The following VSTM4 variants were observed in gnomAD, a reference collection of about 807,000 sequenced individuals.
VSTM4 encodes the protein V-set and transmembrane domain-containing protein 4.
A neutral mutation model predicts 36.4 loss-of-function variants in VSTM4; 20 were observed. That is an observed-to-expected ratio of 0.55 (90% CI 0.39 to 0.80). The LOEUF (loss-of-function observed/expected upper bound fraction) is 0.80. Among genes scored for constraint, VSTM4 ranks in the 30% least tolerant of loss-of-function variants. The pLI is 0.00. For synonymous variants in VSTM4, 182 were observed against 173.9 expected (o/e 1.05, Z -0.37); for missense variants, 392 against 404.5 (o/e 0.97, Z 0.26).
intron 5 of VSTM4, among the ~76,000 whole-genome samples, chr10:49,058,809 G>A (rs1333332791): frequency 6.6e-6 from 1 of 152,182 alleles, no homozygotes; most frequent in African/African-American, 2.4e-5. Flanking sequence ...TCCCCTGCCT[G>A]AGGGTTTCCA....
chr10:49,020,337 A>G (rs145774958), intron 7 of VSTM4, among the ~76,000 whole-genome samples: 1 of 152,298 alleles, frequency 6.6e-6, no homozygotes, highest in Non-Finnish European at 1.5e-5. Context: ...AATAGCATGA[A>G]TTAAGTAAAT....
At chr10:49,110,531 T>C (rs1394822437) in intron 1 of VSTM4, among the ~76,000 whole-genome samples, 1 of 152,200 alleles carries the variant, frequency 6.6e-6, no homozygotes. Context: ...TTGTTATGGG[T>C]TGAATTGTGT....
chr10:49,058,892 A>G (rs142304431), intron 5 of VSTM4, among the ~76,000 whole-genome samples: 54 of 152,280 alleles, frequency 3.5e-4, no homozygotes, highest in Non-Finnish European at 7.5e-4. Flanking sequence ...GAAGCCAGAG[A>G]AGGGCATTCT....
intron 5 of VSTM4, among the ~76,000 whole-genome samples, chr10:49,062,001 T>G (rs528868009): frequency 2.0e-5 from 3 of 152,366 alleles, no homozygotes; most frequent in Admixed American, 1.3e-4. Flanking sequence ...ATAGGAATTC[T>G]GAGTGTATTG....
At position 49,103,499 on chromosome 10, in the gene VSTM4, AACTATATTAC is replaced by A. The variant is rs1477859003; in HGVS notation, c.457+4085_457+4094del. Reference sequence around the variant, plus strand: ...TATTTTTCCATGTTTTCTATAATTGAACTATATTACACTATATTACTTTTGCAATAGAAAA... The same window carrying A: ...TATTTTTCCATGTTTTCTATAATTGAACTATATTACTTTTGCAATAGAAAA... On this transcript the variant is annotated intron_variant, in intron 2 of 7. Coordinates refer to ENST00000332853, the MANE Select transcript of VSTM4 (RefSeq NM_001031746.5). 8 of 1,139,062 alleles carry A rather than the reference AACTATATTAC, an allele frequency of 7.0e-6. No individual in the cohort carries two copies. The African/African-American group carries it at 1.3e-4, about 18-fold the overall frequency. The allele number at this position is 1,139,062 out of a possible 1,614,324, so 70.6% of individuals were successfully genotyped here.
intron 2 of VSTM4, among the ~76,000 whole-genome samples, chr10:49,098,601 A>C (rs778978350): frequency 1.3e-5 from 2 of 152,238 alleles, no homozygotes; most frequent in African/African-American, 2.4e-5. Context: ...GTAAGCTTCC[A>C]GGCCTAATGC....
At chr10:49,072,917 G>A (rs1187465445) in intron 4 of VSTM4, among the ~76,000 whole-genome samples, 1 of 152,170 alleles carries the variant, frequency 6.6e-6, no homozygotes, top group Non-Finnish European at 1.5e-5. Flanking sequence ...ACAAATAAAT[G>A]TTGTGTTAAG....
chr10:49,073,137 A>T (rs994734610), intron 4 of VSTM4, among the ~76,000 whole-genome samples: 31 of 152,332 alleles, frequency 2.0e-4, no homozygotes, highest in African/African-American at 6.5e-4. Context: ...AGAGAAAAAA[A>T]GTTAGGAACA....
chr10:49,036,326 G>A (rs78810768), intron 7 of VSTM4, among the ~76,000 whole-genome samples: 2,544 of 152,296 alleles, frequency 0.017, 56 homozygotes, highest in African/African-American at 0.057. Flanking sequence ...TGCAAAAATG[G>A]TACTAGCGTG....
chr10:49,097,934 T>C lies in VSTM4; in HGVS notation c.457+9660A>G, dbSNP rs561486757. The stretch of plus-strand genomic sequence containing the variant: ...GCGTGTGTTCTTGTTTTTGTTTTTT[T>C]CTCTGGCCTAAGGGCATCAAGAACC... On this transcript the variant is annotated intron_variant, in intron 2 of 7. Coordinates refer to ENST00000332853, the MANE Select transcript of VSTM4 (RefSeq NM_001031746.5). Among the ~76,000 whole-genome samples the C allele has an allele frequency of 1.8e-3, 278 of 152,344 alleles. 1 individual carries two copies. The highest frequency in any genetic ancestry group is 6.4e-3 in the African/African-American group (266 of 41,574).
chr10:49,017,068 T>G lies in VSTM4; in HGVS notation c.*2582A>C, dbSNP rs975470824. On this transcript the variant is annotated 3_prime_UTR_variant, in exon 8 of 8. Coordinates refer to ENST00000332853, the MANE Select transcript of VSTM4 (RefSeq NM_001031746.5). ...TGTAGTTTCTGCCATTGATGCCTTA[T>G]AGTGAAAACAAATTGACAAACTTTC... is the stretch of plus-strand genomic sequence containing the variant. The G allele has an allele frequency of 2.0e-5, 3 of 152,232 alleles. No individual in the cohort carries two copies. Among genetic ancestry groups the G allele is most frequent in the African/African-American group, 7.2e-5 (3 of 41,434 alleles). The allele number at this position is 152,232 out of a possible 1,614,324, so 9.4% of individuals were successfully genotyped here.
In VSTM4 at chr10:49,057,595, A is replaced by G. The variant is rs565993742; in HGVS notation, c.668+7108T>C. Reference sequence around the variant, plus strand: ...ATGCCAGGAACCACCCCCATCTCACAGGCCTGCCCTCCCCACTCCCACCCC... The same window carrying G: ...ATGCCAGGAACCACCCCCATCTCACGGGCCTGCCCTCCCCACTCCCACCCC... On this transcript the variant is annotated intron_variant, in intron 5 of 7. Transcript: ENST00000332853. Among the ~76,000 whole-genome samples the G allele has an allele frequency of 2.0e-5, 3 of 152,272 alleles. No individual in the cohort carries two copies. The South Asian group carries it at 6.2e-4, about 32-fold the overall frequency.
intron 1 of VSTM4, among the ~76,000 whole-genome samples, chr10:49,112,278 T>G (rs1384215604): frequency 6.6e-6 from 1 of 152,234 alleles, no homozygotes; most frequent in East Asian, 1.9e-4. Context: ...GCTCTGGGAC[T>G]TGGTAGTCCT....
intron 3 of VSTM4, among the ~76,000 whole-genome samples, chr10:49,080,273 A>C (rs115757098): frequency 7.1e-4 from 108 of 152,366 alleles, no homozygotes; most frequent in African/African-American, 2.5e-3. Context: ...TGGGAGTAGC[A>C]GGTGGCTGGC....
chr10:49,056,887 T>C (rs2131969810), intron 5 of VSTM4, among the ~76,000 whole-genome samples: 1 of 152,310 alleles, frequency 6.6e-6, no homozygotes, highest in East Asian at 1.9e-4. Flanking sequence ...CTCATGGTTC[T>C]GCAAGCTGTA....
intron 7 of VSTM4, among the ~76,000 whole-genome samples, chr10:49,046,017 G>A (rs1189426699): frequency 6.6e-6 from 1 of 152,094 alleles, no homozygotes; most frequent in Non-Finnish European, 1.5e-5. Flanking sequence ...TTTATAAATG[G>A]TAGTTTTTCC....
At chr10:49,074,551 C>T (rs1471737270) in intron 4 of VSTM4, among the ~76,000 whole-genome samples, 1 of 152,182 alleles carries the variant, frequency 6.6e-6, no homozygotes, top group East Asian at 1.9e-4. Flanking sequence ...CTCCTGGGCC[C>T]AGCTGAAGGA....
chr10:49,049,928 C>A (rs1477011327), intron 5 of VSTM4, among the ~76,000 whole-genome samples: 1 of 152,152 alleles, frequency 6.6e-6, no homozygotes, highest in Non-Finnish European at 1.5e-5. Context: ...GACTCTTTGA[C>A]CTGGCAATTT....
At chr10:49,025,741 G>A (rs1843250569) in intron 7 of VSTM4, among the ~76,000 whole-genome samples, 1 of 152,350 alleles carries the variant, frequency 6.6e-6, no homozygotes, top group Non-Finnish European at 1.5e-5. Context: ...TGGCTACCAA[G>A]TGACCGGCAC....
Sources: allele counts gnomAD v4.1 joint callset (sites outside exome capture counted in the v4.1 genomes callset), GRCh38; gene constraint gnomAD v4.1.1; transcripts MANE v1.5; gene names NCBI Gene and HGNC (gene_info 2026-07-23, HGNC 2026-07-21).